The following PKHD1 variants were observed in gnomAD, a reference collection of about 807,000 sequenced individuals.
PKHD1 encodes fibrocystin.
Under a neutral mutation model 412.0 loss-of-function variants are expected in PKHD1, and 291 were observed. The observed-to-expected ratio is 0.71, with a 90% CI of 0.64 to 0.78. PKHD1 has a LOEUF of 0.78. Among genes scored for constraint, PKHD1 ranks in the 30% least tolerant of loss-of-function variants. The pLI is 0.00. For synonymous variants in PKHD1, 1,777 were observed against 1,821.5 expected, an observed-to-expected ratio of 0.98 and a Z score of 0.62; for missense variants, 4,825 against 4,950.7, an observed-to-expected ratio of 0.97 and a Z score of 0.76.
At chr6:51,859,436 G>A (rs1455474687) in intron 48 of PKHD1, among the ~76,000 whole-genome samples, 3 of 149,350 alleles carry the variant, frequency 2.0e-5, no homozygotes, top group Non-Finnish European at 2.9e-5. Context: ...TGAGGCAGGA[G>A]AATGGCGTGA....
rs1245861739 is a variant in PKHD1 at position 51,638,925 on chromosome 6, A to G, written c.11430T>C (p.Tyr3810=). The part of the protein sequence containing the change: ...GCTQAETQDG[Y]VSFYNLAVLI... ...AGACTGCCAAGTTGTAGAAGCTAAC[A>G]TAACCATCTTGAGTTTCTGCCTGGG... Residue 3810 remains tyrosine, a synonymous_variant, in exon 64 of 67, where the codon TAT becomes TAC. Transcript: ENST00000371117. The G allele has an allele frequency of 1.9e-6, 3 of 1,613,776 alleles. No individual in the cohort carries two copies. Among genetic ancestry groups the G allele is most frequent in the African/African-American group, 2.7e-5 (2 of 74,936 alleles).
chr6:51,714,133 AGGCCGAG>A (rs1267732621), intron 60 of PKHD1, among the ~76,000 whole-genome samples: 1 of 152,180 alleles, frequency 6.6e-6, no homozygotes, highest in African/African-American at 2.4e-5. Flanking sequence ...GCACTTTGGG[AGGCCGAG>A]GTGGGCGAAT....
chr6:52,035,629 T>C lies in PKHD1; in HGVS notation c.3190A>G (p.Ser1064Gly), dbSNP rs143212641. Reference sequence around the variant, plus strand: ...TTGCACTGAATTCTGCTTGAATTGCTTGTAGCGACATTGATGGCACACGAG... The same window carrying C: ...TTGCACTGAATTCTGCTTGAATTGCCTGTAGCGACATTGATGGCACACGAG... The part of the protein sequence containing the change: ...SYSCAINVAT[S>G]NSSRIQCKVP... Residue 1064 changes from serine (S) to glycine (G), a missense_variant, in exon 28 of 67, where the codon AGC becomes GGC. Transcript: ENST00000371117. 2 of 1,613,942 alleles carry C rather than the reference T, an allele frequency of 1.2e-6. No individual in the cohort carries two copies. Among genetic ancestry groups the C allele is most frequent in the East Asian group, 2.2e-5 (1 of 44,882 alleles).
intron 29 of PKHD1, among the ~76,000 whole-genome samples, chr6:52,029,553 G>C (rs1348695690): frequency 6.6e-6 from 1 of 152,206 alleles, no homozygotes; most frequent in Non-Finnish European, 1.5e-5. Flanking sequence ...AGGAAAGATG[G>C]AATGGGCAAG....
chr6:51,912,656 GA>G (rs1783145038), intron 37 of PKHD1, 80 bp from the exon 38 acceptor site: 1 of 1,001,042 alleles, frequency 1.0e-6, no homozygotes, highest in African/African-American at 1.6e-5. Context: ...TAATAAATGT[GA>G]TGTTATTTAG....
At chr6:52,020,551 C>G (rs938219027) in intron 33 of PKHD1, among the ~76,000 whole-genome samples, 8 of 152,178 alleles carry the variant, frequency 5.3e-5, no homozygotes, top group African/African-American at 1.9e-4. Context: ...CTAACAAGCT[C>G]CCGGGTGAGG....
At chr6:51,924,863 CAA>C (rs1785273683) in intron 37 of PKHD1, among the ~76,000 whole-genome samples, 1 of 152,204 alleles carries the variant, frequency 6.6e-6, no homozygotes, top group Non-Finnish European at 1.5e-5. Context: ...CAAATAATAA[CAA>C]TGATAATAAC....
In PKHD1 at chr6:52,045,018, A is replaced by T. The variant is rs1221448917; in HGVS notation, c.2663T>A (p.Phe888Tyr). ...CATGTCTCCAAATATGGGTCCAAGAAAAACTCCACCATCATATACCACACG... is the reference window on the plus strand; with the variant it reads ...CATGTCTCCAAATATGGGTCCAAGATAAACTCCACCATCATATACCACACG... Reference protein sequence around the residue: ...ATRVVYDGGVFLGPIFGDMLA... With the variant: ...ATRVVYDGGVYLGPIFGDMLA... Residue 888 changes from phenylalanine (F) to tyrosine (Y), a missense_variant, in exon 25 of 67, where the codon TTT (phenylalanine) becomes TAT (tyrosine). By Grantham distance (22) the Phe-to-Tyr change is conservative. Coordinates refer to ENST00000371117, the MANE Select transcript of PKHD1 (RefSeq NM_138694.4). 5 of 1,613,648 alleles carry T rather than the reference A, an allele frequency of 3.1e-6. No homozygotes were observed. In the South Asian group the frequency reaches 5.5e-5, roughly 18 times the overall value.
chr6:51,803,640 T>G (rs1394997502), intron 52 of PKHD1, among the ~76,000 whole-genome samples: 108 of 151,622 alleles, frequency 7.1e-4, no homozygotes, highest in Non-Finnish European at 1.0e-4. Flanking sequence ...CCAAGTGCTT[T>G]GTCAGACACT....
At chr6:51,857,015 AG>A (rs1233126343) in intron 48 of PKHD1, among the ~76,000 whole-genome samples, 2 of 152,246 alleles carry the variant, frequency 1.3e-5, no homozygotes, top group African/African-American at 2.4e-5. Flanking sequence ...GAGGAGACTG[AG>A]GCAGGGTAGA....
chr6:51,789,517 C>G (rs1481790475), intron 53 of PKHD1, among the ~76,000 whole-genome samples: 5 of 151,234 alleles, frequency 3.3e-5, no homozygotes, highest in Non-Finnish European at 5.9e-5. Context: ...TATACAGGAT[C>G]AAAAAAATCA....
At chr6:51,696,964 A>C (rs1778873131) in intron 60 of PKHD1, among the ~76,000 whole-genome samples, 2 of 152,284 alleles carry the variant, frequency 1.3e-5, no homozygotes, top group Admixed American at 6.5e-5. Context: ...TGAGGTGAGC[A>C]GATCACTTGA....
In PKHD1 at chr6:51,909,365, C is replaced by T. The variant is rs769504472; in HGVS notation, c.6600G>A (p.Gln2200=). Reference sequence around the variant, plus strand: ...AGACTTGAAACTGCACTCCCTTCAACTGGACCTGGCTGGGCTCTTCTGGGA... The same window carrying T: ...AGACTTGAAACTGCACTCCCTTCAATTGGACCTGGCTGGGCTCTTCTGGGA... ...QSFPEEPSQV[Q]LKGVQFQVLG... is the part of the protein sequence containing the mutation. The change falls in exon 40 of 67, where the codon CAG becomes CAA. Residue 2200 remains glutamine, a synonymous_variant. Transcript: ENST00000371117. 1 of 1,613,568 alleles carries T rather than the reference C, an allele frequency of 6.2e-7. No individual in the cohort carries two copies. Among genetic ancestry groups the T allele is most frequent in the African/African-American group, 1.3e-5 (1 of 74,998 alleles).
chr6:51,932,533 T>C (rs887477337), intron 37 of PKHD1, among the ~76,000 whole-genome samples: 1 of 152,112 alleles, frequency 6.6e-6, no homozygotes, highest in Non-Finnish European at 1.5e-5. Context: ...TTTTTACTGG[T>C]AAAAAGCAAC....
At chr6:51,987,142 A>C (rs1470884862) in intron 35 of PKHD1, among the ~76,000 whole-genome samples, 1 of 152,238 alleles carries the variant, frequency 6.6e-6, no homozygotes, top group East Asian at 1.9e-4. Context: ...TCCAGGGTTG[A>C]GGGCACAGCA....
chr6:51,909,460 A>C lies in PKHD1; in HGVS notation c.6505T>G (p.Cys2169Gly). ...ANAPEGNLQH[C>G]LYSMSEKMLG... ...ATCTTCTCACTCATGGAATACAAAC[A>C]GTGCTGCAGATTACCTGAAATGCAA... The change falls in exon 40 of 67, where the codon TGT becomes GGT. Residue 2169 changes from cysteine (C) to glycine (G), a missense_variant. Coordinates refer to ENST00000371117, the MANE Select transcript of PKHD1 (RefSeq NM_138694.4). 6.2e-7 allele frequency: 1 copy of C among 1,613,026 alleles called. No individual in the cohort carries two copies. The highest frequency in any genetic ancestry group is 8.5e-7 in the Non-Finnish European group (1 of 1,179,164).
chr6:52,033,770 T>G (rs1803457429), intron 28 of PKHD1, among the ~76,000 whole-genome samples: 1 of 152,096 alleles, frequency 6.6e-6, no homozygotes, highest in Non-Finnish European at 1.5e-5. Context: ...CAGAGATAGC[T>G]TCAAGGAAAA....
At chr6:51,992,822 G>C (rs186592517) in intron 35 of PKHD1, among the ~76,000 whole-genome samples, 11 of 152,348 alleles carry the variant, frequency 7.2e-5, no homozygotes, top group Middle Eastern at 3.4e-3. Flanking sequence ...AAAAAGAGAA[G>C]CAAGCTTGTC....
intron 43 of PKHD1, among the ~76,000 whole-genome samples, chr6:51,899,631 A>G (rs924766334): frequency 2.7e-5 from 4 of 150,782 alleles, no homozygotes; most frequent in Non-Finnish European, 3.0e-5. Flanking sequence ...CTCTCTCACC[A>G]CTCCTATTCA....
Sources: gnomAD v4.1 joint callset for allele counts (sites outside exome capture counted in the v4.1 genomes callset) on GRCh38, gnomAD v4.1.1 for gene constraint, MANE v1.5 for transcripts, NCBI Gene and HGNC (gene_info 2026-07-23, HGNC 2026-07-21) for gene names.